Variants in SLC8A1 observed in about 807,000 individuals in gnomAD.
SLC8A1 encodes solute carrier family 8 member A1.
SLC8A1 carries 18 observed loss-of-function variants against 68.3 expected under a neutral mutation model. The ratio of observed to expected loss-of-function variants is 0.26; its 90% CI spans 0.18 to 0.39. The LOEUF is 0.39. SLC8A1 is among the 10% of genes least tolerant of loss of function. The pLI, the probability that SLC8A1 is intolerant of heterozygous loss-of-function variation, is 1.00. For synonymous variants in SLC8A1, 475 were observed against 415.5 expected, an observed-to-expected ratio of 1.14 and a Z score of -1.74; for missense variants, 985 against 1,156.7, an observed-to-expected ratio of 0.85 and a Z score of 2.15.
intron 2 of SLC8A1, among the ~76,000 whole-genome samples, chr2:40,200,244 ATAT>A (rs1558723267): frequency 1.9e-4 from 3 of 16,136 alleles, no homozygotes; most frequent in African/African-American, 3.1e-4. Context: ...ATATAAATAT[ATAT>A]ATATATATAT....
At chr2:40,203,898 T>C (rs543665105) in intron 2 of SLC8A1, among the ~76,000 whole-genome samples, 28 of 151,960 alleles carry the variant, frequency 1.8e-4, no homozygotes, top group African/African-American at 6.8e-4. Flanking sequence ...TTTTTTTTTG[T>C]AGAGATGAGG....
exon 8 of SLC8A1, chr2:40,101,963 G>T (rs2033917863): frequency 6.6e-6 from 1 of 152,060 alleles, no homozygotes; most frequent in Admixed American, 6.6e-5. Context: ...ACTCACAAAA[G>T]CGGCTTATTT....
At chr2:40,220,337 C>A (rs2148834071) in intron 2 of SLC8A1, 1 of 152,282 alleles carries the variant, frequency 6.6e-6, no homozygotes, top group Middle Eastern at 3.4e-3. Flanking sequence ...TTGGCTCTTT[C>A]ACCTCTTGTG....
chr2:40,283,801 A>G (rs936836919), intron 2 of SLC8A1, among the ~76,000 whole-genome samples: 5 of 152,200 alleles, frequency 3.3e-5, no homozygotes, highest in Non-Finnish European at 2.9e-5. Flanking sequence ...CGCCGAAGAT[A>G]GAACACGGTT....
At chr2:40,130,106 A>C (rs933987088) in intron 7 of SLC8A1, among the ~76,000 whole-genome samples, 1 of 152,208 alleles carries the variant, frequency 6.6e-6, no homozygotes, top group Non-Finnish European at 1.5e-5. Flanking sequence ...ACCAACAAAA[A>C]ACCCTTAAAA....
intron 2 of SLC8A1, among the ~76,000 whole-genome samples, chr2:40,259,692 G>C (rs181349990): frequency 2.6e-5 from 4 of 152,144 alleles, no homozygotes; most frequent in Admixed American, 2.0e-4. Context: ...TCTTTTCTTA[G>C]GGTTTGGAGG....
chr2:40,471,549 G>A (rs939422822), intron 1 of SLC8A1, among the ~76,000 whole-genome samples: 2 of 151,974 alleles, frequency 1.3e-5, no homozygotes, highest in South Asian at 2.1e-4. Flanking sequence ...GTAATAAACC[G>A]TAAGCTAAGC....
intron 2 of SLC8A1, among the ~76,000 whole-genome samples, chr2:40,324,568 T>C (rs2075599908): frequency 6.6e-6 from 1 of 152,192 alleles, no homozygotes; most frequent in Admixed American, 6.5e-5. Flanking sequence ...AGCTCATTTG[T>C]TTATTAAAAA....
chr2:40,165,448 A>G (rs2046383953), intron 4 of SLC8A1, among the ~76,000 whole-genome samples: 1 of 152,158 alleles, frequency 6.6e-6, no homozygotes. Flanking sequence ...GGGCAACAGA[A>G]AATGCCTGAG....
chr2:40,262,833 T>G (rs998350196), intron 2 of SLC8A1, among the ~76,000 whole-genome samples: 4 of 152,122 alleles, frequency 2.6e-5, no homozygotes, highest in Admixed American at 2.0e-4. Flanking sequence ...TTGCTAAAAT[T>G]TGGATCATAT....
At chr2:40,122,232 G>GCA (rs769129920) in intron 7 of SLC8A1, among the ~76,000 whole-genome samples, 1 of 110,150 alleles carries the variant, frequency 9.1e-6, no homozygotes, top group East Asian at 2.9e-4. Flanking sequence ...ACACGTGTGC[G>GCA]CGCGCACACA....
At chr2:40,481,880 G>A (rs932195333) in intron 1 of SLC8A1, among the ~76,000 whole-genome samples, 13 of 152,008 alleles carry the variant, frequency 8.6e-5, no homozygotes, top group Non-Finnish European at 1.6e-4. Context: ...CTTTTAGTTG[G>A]TAATTTTTGA....
chr2:40,214,017 TAAGTGTGTAGCC>T (rs907063919), intron 2 of SLC8A1, among the ~76,000 whole-genome samples: 5 of 152,132 alleles, frequency 3.3e-5, no homozygotes, highest in African/African-American at 9.7e-5. Flanking sequence ...TCAGAAAACC[TAAGTGTGTAGCC>T]AGTGGTAGAA....
chr2:40,410,180 T>A (rs974303584), intron 2 of SLC8A1, among the ~76,000 whole-genome samples: 1 of 151,942 alleles, frequency 6.6e-6, no homozygotes, highest in African/African-American at 2.4e-5. Context: ...TGGAAATGGG[T>A]TGTTCGATTA....
intron 7 of SLC8A1, among the ~76,000 whole-genome samples, chr2:40,122,886 T>C (rs2037237969): frequency 6.6e-6 from 1 of 152,222 alleles, no homozygotes; most frequent in Non-Finnish European, 1.5e-5. Flanking sequence ...GCCCCGGGCT[T>C]AGTTTTCCTA....
intron 2 of SLC8A1, among the ~76,000 whole-genome samples, chr2:40,193,540 A>G (rs1265423749): frequency 1.3e-5 from 2 of 152,162 alleles, no homozygotes; most frequent in Admixed American, 6.6e-5. Context: ...ATCAGGTTCT[A>G]TCTGACTTAT....
intron 2 of SLC8A1, among the ~76,000 whole-genome samples, chr2:40,366,215 T>C (rs1457368888): frequency 6.6e-6 from 1 of 152,062 alleles, no homozygotes; most frequent in Non-Finnish European, 1.5e-5. Context: ...TAGAACAACA[T>C]ATAGTATGCA....
intron 2 of SLC8A1, among the ~76,000 whole-genome samples, chr2:40,426,965 T>C (rs567851016): frequency 3.7e-4 from 56 of 152,014 alleles, no homozygotes; most frequent in Non-Finnish European, 7.5e-4. Context: ...AATTCTTTCT[T>C]GGATATGAAG....
chr2:40,285,018 G>C (rs939340122), intron 2 of SLC8A1, among the ~76,000 whole-genome samples: 1 of 152,140 alleles, frequency 6.6e-6, no homozygotes, highest in Non-Finnish European at 1.5e-5. Context: ...ATAAGTCATA[G>C]AATACAGCCT....
Sources: allele counts gnomAD v4.1 joint callset (sites outside exome capture counted in the v4.1 genomes callset), GRCh38; gene constraint gnomAD v4.1.1; transcripts MANE v1.5; gene names NCBI Gene and HGNC (gene_info 2026-07-23, HGNC 2026-07-21).